Variants in STAB2 observed in about 807,000 individuals in gnomAD.
STAB2 encodes stabilin-2.
In STAB2, 288 loss-of-function variants were observed where a neutral mutation model predicts 338.1. That is an observed-to-expected ratio of 0.85 (90% CI 0.77 to 0.94). STAB2 has a LOEUF of 0.94. Among genes scored for constraint, STAB2 ranks in the 40% least tolerant of loss-of-function variants. The pLI is 0.00. For missense variants in STAB2, 3,141 were observed against 3,210.1 expected, an observed-to-expected ratio of 0.98 and a Z score of 0.52; for synonymous variants, 1,202 against 1,193.3, an observed-to-expected ratio of 1.01 and a Z score of -0.15.
At chr12:103,657,333 T>C (rs563225611) in intron 15 of STAB2, among the ~76,000 whole-genome samples, 1 of 151,798 alleles carries the variant, frequency 6.6e-6, no homozygotes, top group Admixed American at 6.6e-5. Context: ...ATGCACATTT[T>C]AATAATAATA....
intron 63 of STAB2, among the ~76,000 whole-genome samples, chr12:103,756,975 C>T (rs1411305215): frequency 2.4e-5 from 3 of 123,022 alleles, no homozygotes; most frequent in African/African-American, 6.1e-5. Flanking sequence ...CTCTGGGCCT[C>T]AGTAGCCCAG....
chr12:103,597,603 TTC>T (rs1458651899), intron 3 of STAB2, among the ~76,000 whole-genome samples: 1 of 152,186 alleles, frequency 6.6e-6, no homozygotes, highest in Admixed American at 6.5e-5. Context: ...AGGAAGGTAT[TTC>T]TACCTGAATG....
Position 103,760,733 on chromosome 12 carries a change from A to G in STAB2, c.7249-567A>G, listed in dbSNP as rs557787424. Among the ~76,000 whole-genome samples, 26 of 152,334 alleles carry G rather than the reference A, an allele frequency of 1.7e-4. No homozygotes were observed. The East Asian group carries it at 5.0e-3, about 29-fold the overall frequency. On this transcript the variant is annotated intron_variant, in intron 65 of 68. Coordinates refer to ENST00000388887, the MANE Select transcript of STAB2 (RefSeq NM_017564.10). Reference sequence around the variant, plus strand: ...GTGCCTGACAGGTAGCAAGTGCTTAATAAATATTGGTTTTAAATATTTATC... The same window carrying G: ...GTGCCTGACAGGTAGCAAGTGCTTAGTAAATATTGGTTTTAAATATTTATC...
At chr12:103,743,052 C>T (rs1195867502) in intron 56 of STAB2, among the ~76,000 whole-genome samples, 3 of 118,172 alleles carry the variant, frequency 2.5e-5, no homozygotes, top group South Asian at 2.8e-4. Flanking sequence ...GACAGAGTTT[C>T]GCTCTTGTTG....
intron 34 of STAB2, among the ~76,000 whole-genome samples, chr12:103,701,581 T>G (rs1254473814): frequency 1.3e-5 from 2 of 152,218 alleles, no homozygotes; most frequent in African/African-American, 4.8e-5. Context: ...TGGAAATAAT[T>G]TAGACTTTTT....
chr12:103,618,207 T>C (rs1010139498), intron 3 of STAB2, among the ~76,000 whole-genome samples: 6 of 152,164 alleles, frequency 3.9e-5, no homozygotes, highest in African/African-American at 1.2e-4. Flanking sequence ...GTAAAAGTCT[T>C]TGGGAGGTGA....
chr12:103,654,266 C>G (rs1376261777), intron 12 of STAB2, among the ~76,000 whole-genome samples: 3 of 152,190 alleles, frequency 2.0e-5, no homozygotes, highest in African/African-American at 7.2e-5. Context: ...ATAGTTTTGT[C>G]CTTATGAAGC....
At position 103,683,242 on chromosome 12, in the gene STAB2, G is replaced by A. The variant is rs1369664118; in HGVS notation, c.2843G>A (p.Gly948Glu). Reference protein sequence around the residue: ...CECKKGFRGNGIDCEPITSCL... With the variant: ...CECKKGFRGNEIDCEPITSCL... ...TGCAAGAAAGGATTTCGAGGAAATG[G>A]GATTGACTGTGAACCAATAACTTCA... Residue 948 changes from glycine to glutamate, a missense_variant, in exon 26 of 69, where the codon GGG (glycine) becomes GAG (glutamate). Coordinates refer to ENST00000388887, the MANE Select transcript of STAB2 (RefSeq NM_017564.10). 1 of 1,612,892 alleles carries A rather than the reference G, an allele frequency of 6.2e-7. No individual in the cohort carries two copies. Among genetic ancestry groups the A allele is most frequent in the Non-Finnish European group, 8.5e-7 (1 of 1,179,574 alleles).
rs1039812040 is a variant in STAB2 at position 103,703,051 on chromosome 12, C to G, written c.3715-97C>G. 11 of 1,341,860 alleles carry G rather than the reference C, an allele frequency of 8.2e-6. No individual in the cohort carries two copies. The East Asian group carries it at 2.6e-4, about 32-fold the overall frequency. 83.1% of individuals were successfully genotyped at this position (1,341,860 alleles called of 1,614,324 possible). On this transcript the variant is annotated intron_variant, in intron 34 of 68. Transcript: ENST00000388887. The stretch of plus-strand genomic sequence containing the variant: ...TATCTCCAGGTGAATATTGTAATAT[C>G]TCCTAGGCAATTGTCCTATTGCTAA...
intron 3 of STAB2, among the ~76,000 whole-genome samples, chr12:103,606,202 AG>A (rs1282949666): frequency 1.1e-4 from 17 of 152,172 alleles, no homozygotes; most frequent in Non-Finnish European, 1.5e-5. Context: ...AACTTAATAC[AG>A]TCTACATTTA....
In STAB2 at chr12:103,747,111, C is replaced by T. The variant is rs181416059; in HGVS notation, c.6244+407C>T. On this transcript the variant is annotated intron_variant, in intron 58 of 68. Coordinates refer to ENST00000388887, the MANE Select transcript of STAB2 (RefSeq NM_017564.10). ...AGCTGGGATTACAGGCATGCGCCAC[C>T]GCACCTGGCTAACTTTAGAGTGTTT... is the stretch of plus-strand genomic sequence containing the variant. Among the ~76,000 whole-genome samples, 13 of 152,062 alleles carry T rather than the reference C, an allele frequency of 8.5e-5. No homozygotes were observed. The East Asian group carries it at 1.7e-3, about 20-fold the overall frequency.
chr12:103,726,602 A>G (rs187849002), intron 46 of STAB2, among the ~76,000 whole-genome samples: 1 of 152,354 alleles, frequency 6.6e-6, no homozygotes, highest in East Asian at 1.9e-4. Flanking sequence ...AATTTTCTAC[A>G]TAAGAATGTA....
At chr12:103,597,936 G>A (rs1315921498) in intron 3 of STAB2, among the ~76,000 whole-genome samples, 5 of 152,036 alleles carry the variant, frequency 3.3e-5, no homozygotes, top group African/African-American at 7.2e-5. Context: ...TCTTTTTTAG[G>A]TCAATGTCAT....
intron 3 of STAB2, 29 bp from the exon 4 acceptor site, chr12:103,620,439 G>T: frequency 2.6e-6 from 4 of 1,553,378 alleles, no homozygotes; most frequent in Non-Finnish European, 3.5e-6. Context: ...AGTCACGAAT[G>T]AATACATCTG....
intron 9 of STAB2, among the ~76,000 whole-genome samples, chr12:103,643,622 G>T (rs985842129): frequency 1.3e-5 from 2 of 152,082 alleles, no homozygotes; most frequent in Non-Finnish European, 2.9e-5. Flanking sequence ...GAGCATAGGC[G>T]CTGCCAGTTA....
intron 36 of STAB2, 42 bp downstream of exon 36, chr12:103,704,656 G>C (rs377050329): frequency 1.3e-6 from 2 of 1,569,326 alleles, no homozygotes; most frequent in Admixed American, 3.4e-5. Flanking sequence ...TTCCAGATCC[G>C]AGGAGTCCCA....
intron 44 of STAB2, among the ~76,000 whole-genome samples, chr12:103,720,107 A>G (rs1013208188): frequency 2.0e-5 from 3 of 152,228 alleles, no homozygotes; most frequent in African/African-American, 7.2e-5. Context: ...TTATGTAAGG[A>G]TAATAAAGAA....
chr12:103,599,471 T>C (rs142361821), intron 3 of STAB2, among the ~76,000 whole-genome samples: 2 of 152,294 alleles, frequency 1.3e-5, no homozygotes, highest in African/African-American at 2.4e-5. Flanking sequence ...CAGAGTCAGA[T>C]TTCCTGGCTT....
At chr12:103,643,942 G>A (rs1272949171) in intron 9 of STAB2, among the ~76,000 whole-genome samples, 23 of 75,880 alleles carry the variant, frequency 3.0e-4, no homozygotes, top group East Asian at 1.1e-3. Flanking sequence ...CAGCCGCCCC[G>A]TCCGGGAGGT....
Sources: allele counts gnomAD v4.1 joint callset (sites outside exome capture counted in the v4.1 genomes callset), GRCh38; gene constraint gnomAD v4.1.1; transcripts MANE v1.5; gene names NCBI Gene and HGNC (gene_info 2026-07-23, HGNC 2026-07-21).